Variants in PDSS2 observed in about 807,000 individuals in gnomAD.
The protein encoded by PDSS2 is all trans-polyprenyl-diphosphate synthase PDSS2.
Under a neutral mutation model 44.5 loss-of-function variants are expected in PDSS2, and 31 were observed. That is an observed-to-expected ratio of 0.70 (90% CI 0.52 to 0.94). PDSS2 has a LOEUF of 0.94. Ranked by LOEUF, PDSS2 falls within the 40% of genes least tolerant of loss-of-function variation. The pLI, the probability that PDSS2 is intolerant of heterozygous loss-of-function variation, is 0.00. For synonymous variants in PDSS2, 157 were observed against 180.3 expected (o/e 0.87, Z 1.03); for missense variants, 452 against 482.2 (o/e 0.94, Z 0.59).
chr6:107,374,807 G>T (rs1779234456), intron 1 of PDSS2, among the ~76,000 whole-genome samples: 1 of 152,072 alleles, frequency 6.6e-6, no homozygotes, highest in African/African-American at 2.4e-5. Flanking sequence ...GGTTCCTGAG[G>T]TGCTAACCTT....
At chr6:107,316,473 T>G (rs563672924) in intron 2 of PDSS2, among the ~76,000 whole-genome samples, 7 of 152,172 alleles carry the variant, frequency 4.6e-5, no homozygotes, top group Non-Finnish European at 8.8e-5. Context: ...GTAAATGCCA[T>G]TATATTCTAG....
intron 2 of PDSS2, among the ~76,000 whole-genome samples, chr6:107,321,500 G>A (rs1428365507): frequency 2.6e-5 from 4 of 152,132 alleles, no homozygotes; most frequent in African/African-American, 9.7e-5. Context: ...AATACACCAC[G>A]GCTTTTCCCG....
In PDSS2 at chr6:107,454,639, C is replaced by T. The variant is rs549297417; in HGVS notation, c.296+4351G>A. Among the ~76,000 whole-genome samples the T allele has an allele frequency of 2.9e-3, 422 of 145,888 alleles. 1 individual carries two copies. The highest frequency in any genetic ancestry group is 4.1e-3 in the Non-Finnish European group (267 of 65,912). ...GTGAATAGCAAATTATGGTGGTTTCCTTTTTTTTTTTCCTGCTGTTTGCTA... is the reference window on the plus strand; with the variant it reads ...GTGAATAGCAAATTATGGTGGTTTCTTTTTTTTTTTTCCTGCTGTTTGCTA... On this transcript the variant is annotated intron_variant, in intron 1 of 7. Coordinates refer to ENST00000369037, the MANE Select transcript of PDSS2 (RefSeq NM_020381.4).
chr6:107,435,939 C>CA (rs1474994344), intron 1 of PDSS2, among the ~76,000 whole-genome samples: 1 of 113,500 alleles, frequency 8.8e-6, no homozygotes, highest in African/African-American at 3.2e-5. Context: ...TTACAGAACA[C>CA]AAAAATTGCG....
chr6:107,406,431 T>C (rs1299001696), intron 1 of PDSS2, among the ~76,000 whole-genome samples: 1 of 152,192 alleles, frequency 6.6e-6, no homozygotes, highest in Non-Finnish European at 1.5e-5. Context: ...GGAAACCTTT[T>C]TATAGTCTAA....
At chr6:107,251,286 A>G (rs1442772797) in intron 3 of PDSS2, among the ~76,000 whole-genome samples, 2 of 152,254 alleles carry the variant, frequency 1.3e-5, no homozygotes, top group Non-Finnish European at 2.9e-5. Context: ...GTTGCTTTAT[A>G]ACTTAATTTG....
chr6:107,177,653 A>G (rs1257568691), intron 7 of PDSS2, among the ~76,000 whole-genome samples: 3 of 152,338 alleles, frequency 2.0e-5, no homozygotes, highest in African/African-American at 7.2e-5. Context: ...TTAGTATCAT[A>G]TTCCAAAGAG....
intron 6 of PDSS2, among the ~76,000 whole-genome samples, chr6:107,207,978 GTTTT>G (rs756043067): frequency 1.5e-5 from 1 of 67,554 alleles, no homozygotes; most frequent in East Asian, 6.0e-4. Flanking sequence ...TCTATGACTT[GTTTT>G]TTTTTTTTTT....
chr6:107,433,698 C>T (rs1452309569), intron 1 of PDSS2, among the ~76,000 whole-genome samples: 2 of 152,224 alleles, frequency 1.3e-5, no homozygotes, highest in Admixed American at 1.3e-4. Context: ...CTCTCCAGGA[C>T]ACTTGCCTGG....
chr6:107,394,790 A>G (rs185140726), intron 1 of PDSS2, among the ~76,000 whole-genome samples: 1 of 152,136 alleles, frequency 6.6e-6, no homozygotes, highest in Non-Finnish European at 1.5e-5. Context: ...ATGTCCCACA[A>G]TATATTGCTG....
At chr6:107,263,180 C>CT (rs397952432) in intron 3 of PDSS2, among the ~76,000 whole-genome samples, 3 of 54,852 alleles carry the variant, frequency 5.5e-5, no homozygotes, top group Non-Finnish European at 1.3e-4. Flanking sequence ...TGGCCAGGCG[C>CT]GGTGGCTTAC....
chr6:107,446,084 G>A (rs747580422), intron 1 of PDSS2, among the ~76,000 whole-genome samples: 18 of 152,124 alleles, frequency 1.2e-4, no homozygotes, highest in Non-Finnish European at 2.5e-4. Flanking sequence ...TTGAGAGGCC[G>A]AGGCGGGCAG....
chr6:107,351,040 AGT>A (rs1778419432), intron 1 of PDSS2, among the ~76,000 whole-genome samples: 1 of 152,170 alleles, frequency 6.6e-6, no homozygotes, highest in Admixed American at 6.5e-5. Context: ...ATTTAAATAA[AGT>A]CAAAAATTGT....
chr6:107,193,799 C>G, intron 7 of PDSS2, 23 bp downstream of exon 7: 1 of 1,376,862 alleles, frequency 7.3e-7, no homozygotes, highest in Non-Finnish European at 1.0e-6. Flanking sequence ...TAAAATAGTA[C>G]AGTATGTATA....
At chr6:107,180,783 T>C (rs1244472946) in intron 7 of PDSS2, among the ~76,000 whole-genome samples, 1 of 152,208 alleles carries the variant, frequency 6.6e-6, no homozygotes, top group Non-Finnish European at 1.5e-5. Flanking sequence ...ACTGCCCCAC[T>C]AAATATTGTT....
At chr6:107,218,211 T>G (rs1773480623) in intron 4 of PDSS2, among the ~76,000 whole-genome samples, 1 of 152,190 alleles carries the variant, frequency 6.6e-6, no homozygotes. Flanking sequence ...CTCTATACAT[T>G]TTATTTGACT....
intron 2 of PDSS2, among the ~76,000 whole-genome samples, chr6:107,320,542 AG>A (rs2115168929): frequency 6.6e-6 from 1 of 152,344 alleles, no homozygotes; most frequent in Non-Finnish European, 1.5e-5. Context: ...ATATCTGCTT[AG>A]GGCACAAGTC....
At chr6:107,261,775 T>G (rs1454616163) in intron 3 of PDSS2, among the ~76,000 whole-genome samples, 1 of 146,024 alleles carries the variant, frequency 6.8e-6, no homozygotes. Context: ...GATGGGGTTT[T>G]GGCATGTTGG....
chr6:107,435,767 T>C (rs574942284), intron 1 of PDSS2, among the ~76,000 whole-genome samples: 2 of 152,254 alleles, frequency 1.3e-5, no homozygotes, highest in African/African-American at 4.8e-5. Context: ...GACTGCTAAG[T>C]TTTTAGAGTA....
Sources: gnomAD v4.1 joint callset for allele counts (sites outside exome capture counted in the v4.1 genomes callset) on GRCh38, gnomAD v4.1.1 for gene constraint, MANE v1.5 for transcripts, NCBI Gene and HGNC (gene_info 2026-07-23, HGNC 2026-07-21) for gene names.